Variants in CACNA2D3 observed in about 807,000 individuals in gnomAD.
The protein encoded by CACNA2D3 is voltage-dependent calcium channel subunit alpha-2/delta-3.
CACNA2D3 carries 60 observed loss-of-function variants against 160.6 expected under a neutral mutation model. That is an observed-to-expected ratio of 0.37 (90% CI 0.30 to 0.46). The LOEUF is 0.46. CACNA2D3 is among the 20% of genes least tolerant of loss of function. CACNA2D3 has a pLI of 1.00. For missense variants in CACNA2D3, 1,205 were observed against 1,365.0 expected (o/e 0.88, Z 1.85); for synonymous variants, 558 against 492.9 (o/e 1.13, Z -1.75).
At chr3:54,388,285 A>G (rs563340492) in intron 4 of CACNA2D3, among the ~76,000 whole-genome samples, 1 of 152,326 alleles carries the variant, frequency 6.6e-6, no homozygotes, top group Admixed American at 6.5e-5. Context: ...GAAATTTGGG[A>G]TAATGATACC....
At chr3:54,695,698 G>C (rs1457966260) in intron 11 of CACNA2D3, among the ~76,000 whole-genome samples, 1 of 152,104 alleles carries the variant, frequency 6.6e-6, no homozygotes, top group Non-Finnish European at 1.5e-5. Flanking sequence ...AGATTTTATA[G>C]TCATTCATAT....
At chr3:54,556,012 T>G (rs1020472127) in intron 5 of CACNA2D3, among the ~76,000 whole-genome samples, 10 of 152,168 alleles carry the variant, frequency 6.6e-5, no homozygotes, top group African/African-American at 2.4e-4. Flanking sequence ...GTGAAGGCCT[T>G]GAAACATCCT....
rs143048936 is a variant in CACNA2D3 at position 54,826,740 on chromosome 3, C to A, written c.1398+9870C>A. Reference sequence around the variant, plus strand: ...GATCATAATTAATTATAATTAACCACTCCCCACCCCCACCAACTGCTTTCA... The same window carrying A: ...GATCATAATTAATTATAATTAACCAATCCCCACCCCCACCAACTGCTTTCA... On this transcript the variant is annotated intron_variant, in intron 14 of 37. Coordinates refer to ENST00000474759, the MANE Select transcript of CACNA2D3 (RefSeq NM_018398.3). Among the ~76,000 whole-genome samples the A allele has an allele frequency of 8.4e-3, 1,275 of 152,250 alleles. 15 individuals are homozygous for A. Among genetic ancestry groups the A allele is most frequent in the African/African-American group, 0.028 (1,165 of 41,536 alleles).
At chr3:55,025,634 C>CAAAAAAA (rs10717273) in intron 35 of CACNA2D3, among the ~76,000 whole-genome samples, 2 of 63,278 alleles carry the variant, frequency 3.2e-5, no homozygotes, top group Non-Finnish European at 5.7e-5. Context: ...ACTCTATCTC[C>CAAAAAAA]AAAAAAAAAA....
chr3:54,714,385 C>A (rs370526776), intron 11 of CACNA2D3, among the ~76,000 whole-genome samples: 2 of 152,220 alleles, frequency 1.3e-5, no homozygotes, highest in East Asian at 1.9e-4. Flanking sequence ...GCCGGGGTAT[C>A]CTTCAGCGTG....
chr3:54,537,679 G>A (rs1701910361), intron 5 of CACNA2D3, among the ~76,000 whole-genome samples: 1 of 152,130 alleles, frequency 6.6e-6, no homozygotes, highest in Admixed American at 6.5e-5. Context: ...GTTCCTACCT[G>A]TTCATGGACA....
chr3:54,742,698 C>T (rs897652322), intron 11 of CACNA2D3, among the ~76,000 whole-genome samples: 29 of 152,180 alleles, frequency 1.9e-4, no homozygotes, highest in Non-Finnish European at 3.1e-4. Context: ...GCAGTCTTTT[C>T]CCTACTAGGG....
Position 54,295,152 on chromosome 3 carries a change from C to T in CACNA2D3, c.205-25290C>T, listed in dbSNP as rs139840261. 4.6e-3 allele frequency among the ~76,000 whole-genome samples: 707 copies of T among 152,184 alleles called. 5 individuals carry two copies. Among genetic ancestry groups the T allele is most frequent in the Middle Eastern group, 0.02 (6 of 294 alleles). On this transcript the variant is annotated intron_variant, in intron 2 of 37. Coordinates refer to ENST00000474759, the MANE Select transcript of CACNA2D3 (RefSeq NM_018398.3). ...TGATTAGAAAACCCTGGAGGTGTAG[C>T]GAGAGCTATGCCGAGAAGAGTTGGG...
intron 35 of CACNA2D3, among the ~76,000 whole-genome samples, chr3:55,053,972 CTCTT>C (rs1318863687): frequency 2.6e-5 from 4 of 151,630 alleles, no homozygotes; most frequent in African/African-American, 9.7e-5. Flanking sequence ...CTTGTTCATC[CTCTT>C]TTTTTTCTGT....
At chr3:54,168,951 C>T (rs1049322760) in intron 2 of CACNA2D3, among the ~76,000 whole-genome samples, 1 of 152,124 alleles carries the variant, frequency 6.6e-6, no homozygotes, top group Non-Finnish European at 1.5e-5. Context: ...TCCCTTGCTG[C>T]GCCATTTTAT....
intron 35 of CACNA2D3, among the ~76,000 whole-genome samples, chr3:55,064,922 A>C (rs1704601200): frequency 6.6e-6 from 1 of 152,146 alleles, no homozygotes; most frequent in African/African-American, 2.4e-5. Context: ...AGCTTTAGGG[A>C]CCTGAGAACA....
chr3:54,870,613 A>G (rs1470696441), intron 17 of CACNA2D3, among the ~76,000 whole-genome samples: 1 of 152,226 alleles, frequency 6.6e-6, no homozygotes, highest in Non-Finnish European at 1.5e-5. Flanking sequence ...TCCGGTCGAT[A>G]AAATGGTAGG....
intron 2 of CACNA2D3, among the ~76,000 whole-genome samples, chr3:54,133,708 C>T (rs1254718091): frequency 6.6e-6 from 1 of 152,160 alleles, no homozygotes; most frequent in Admixed American, 6.5e-5. Context: ...TTTTAGTTGC[C>T]CTTGAGGGTC....
chr3:54,900,994 G>A (rs1700318067), intron 27 of CACNA2D3, among the ~76,000 whole-genome samples: 1 of 152,176 alleles, frequency 6.6e-6, no homozygotes, highest in African/African-American at 2.4e-5. Context: ...CTTGAACTAA[G>A]CAGACCTATT....
At chr3:54,851,990 C>G (rs1417707855) in intron 17 of CACNA2D3, among the ~76,000 whole-genome samples, 1 of 152,154 alleles carries the variant, frequency 6.6e-6, no homozygotes. Flanking sequence ...ACATTTTGGA[C>G]CCTTCTAGAT....
chr3:54,668,286 G>C (rs1700103396), intron 11 of CACNA2D3, among the ~76,000 whole-genome samples: 1 of 152,168 alleles, frequency 6.6e-6, no homozygotes, highest in South Asian at 2.1e-4. Context: ...GTGTGTCTGA[G>C]AGGGAAAAGA....
chr3:54,280,709 T>G (rs1702861065), intron 2 of CACNA2D3, among the ~76,000 whole-genome samples: 1 of 152,206 alleles, frequency 6.6e-6, no homozygotes, highest in Admixed American at 6.5e-5. Flanking sequence ...TGTTCTCTCT[T>G]GTGCCCTTTG....
chr3:54,154,262 G>A (rs2107287104), intron 2 of CACNA2D3, among the ~76,000 whole-genome samples: 1 of 152,192 alleles, frequency 6.6e-6, no homozygotes, highest in East Asian at 1.9e-4. Context: ...TCTAGTATTT[G>A]TTATGTTCAA....
chr3:54,171,871 G>A (rs1022797126), intron 2 of CACNA2D3, among the ~76,000 whole-genome samples: 2 of 152,128 alleles, frequency 1.3e-5, no homozygotes. Context: ...TCTATCTTCT[G>A]TCCTTCCTGT....
Sources: allele counts gnomAD v4.1 joint callset (sites outside exome capture counted in the v4.1 genomes callset), GRCh38; gene constraint gnomAD v4.1.1; transcripts MANE v1.5; gene names NCBI Gene and HGNC (gene_info 2026-07-23, HGNC 2026-07-21).